The following C10orf67 variants were observed in gnomAD, a reference collection of about 807,000 sequenced individuals.
The protein encoded by C10orf67 is chromosome 10 open reading frame 67.
In C10orf67, 60 loss-of-function variants were observed where a neutral mutation model predicts 35.6. The ratio of observed to expected loss-of-function variants is 1.68; its 90% CI spans 1.37 to 2.09. The LOEUF is 2.09. C10orf67 is among the 30% of genes most tolerant of loss of function. C10orf67 has a pLI of 0.00. For missense variants in C10orf67, 474 were observed against 330.2 expected, an observed-to-expected ratio of 1.44 and a Z score of -3.38; for synonymous variants, 167 against 115.8, an observed-to-expected ratio of 1.44 and a Z score of -2.84.
intron 12 of C10orf67, among the ~76,000 whole-genome samples, chr10:23,243,969 G>A (rs543647723): frequency 6.6e-6 from 1 of 152,272 alleles, no homozygotes; most frequent in Non-Finnish European, 1.5e-5. Context: ...AGGGCTTACG[G>A]CAGCCTTGAC....
At position 23,223,518 on chromosome 10, in the gene C10orf67, G is replaced by A. The variant is rs117164271; in HGVS notation, c.1570+80C>T. 4,100 of 707,296 alleles carry A rather than the reference G, an allele frequency of 5.8e-3. 118 individuals carry two copies. Among genetic ancestry groups the A allele is most frequent in the East Asian group, 0.049 (1,835 of 37,186 alleles). 43.8% of individuals were successfully genotyped at this position (707,296 alleles called of 1,614,324 possible). On this transcript the variant is annotated intron_variant, in intron 15 of 15. Transcript: ENST00000636213. ...CACCCAGAATACCAAATACCTCAGG[G>A]TAAAAAAGAAAAGCAAAGTTAATCT...
chr10:23,294,259 A>G (rs1044188355), intron 5 of C10orf67, among the ~76,000 whole-genome samples: 2 of 152,122 alleles, frequency 1.3e-5, no homozygotes, highest in African/African-American at 4.8e-5. Context: ...TATGCTCGCA[A>G]TGGAAGGTAG....
At chr10:23,304,701 C>T (rs934289680) in intron 4 of C10orf67, among the ~76,000 whole-genome samples, 3 of 152,116 alleles carry the variant, frequency 2.0e-5, no homozygotes, top group Admixed American at 6.5e-5. Context: ...TCCATGGCCA[C>T]TTCTCCTTGC....
At chr10:23,208,759 G>C (rs1841225810) in intron 15 of C10orf67, among the ~76,000 whole-genome samples, 1 of 152,288 alleles carries the variant, frequency 6.6e-6, no homozygotes, top group Middle Eastern at 3.4e-3. Context: ...ATTGACTCTG[G>C]TCTTGGCCCT....
At chr10:23,250,345 A>G (rs1273929844) in intron 12 of C10orf67, 110 bp downstream of exon 12, 7 of 395,714 alleles carry the variant, frequency 1.8e-5, no homozygotes, top group Non-Finnish European at 3.1e-5. Flanking sequence ...TTGTAGAAGT[A>G]TATGAGGTGA....
intron 10 of C10orf67, among the ~76,000 whole-genome samples, chr10:23,264,210 G>A (rs1288788190): frequency 2.6e-5 from 4 of 152,122 alleles, no homozygotes; most frequent in African/African-American, 9.7e-5. Context: ...TATATATACG[G>A]TAAAGAATAA....
At chr10:23,211,507 G>A (rs566569836) in intron 15 of C10orf67, among the ~76,000 whole-genome samples, 12 of 149,572 alleles carry the variant, frequency 8.0e-5, no homozygotes, top group Admixed American at 6.1e-4. Context: ...AATTCAACCC[G>A]TAACACACAC....
intron 1 of C10orf67, among the ~76,000 whole-genome samples, chr10:23,339,514 CA>C: frequency 6.6e-6 from 1 of 151,800 alleles, no homozygotes; most frequent in Non-Finnish European, 1.5e-5. Flanking sequence ...TACCTTTCAG[CA>C]AGTTTCGCAG....
chr10:23,337,160 T>C (rs1470618980), intron 1 of C10orf67, among the ~76,000 whole-genome samples: 1 of 152,068 alleles, frequency 6.6e-6, no homozygotes, highest in Non-Finnish European at 1.5e-5. Context: ...AACAAATAAA[T>C]GAGGATGGGA....
At chr10:23,212,383 G>C (rs190017111) in intron 15 of C10orf67, among the ~76,000 whole-genome samples, 1 of 152,154 alleles carries the variant, frequency 6.6e-6, no homozygotes, top group Admixed American at 6.5e-5. Context: ...CAAACCACAC[G>C]TCTCTTGTTT....
chr10:23,231,369 G>A (rs1384233876), intron 13 of C10orf67, among the ~76,000 whole-genome samples: 1 of 152,168 alleles, frequency 6.6e-6, no homozygotes, highest in Non-Finnish European at 1.5e-5. Context: ...AGAAAGTCTA[G>A]AACCCATGGA....
chr10:23,320,923 T>A, intron 3 of C10orf67, 108 bp from the exon 4 acceptor site: 1 of 728,764 alleles, frequency 1.4e-6, no homozygotes, highest in Non-Finnish European at 2.2e-6. Context: ...ATCATCACAA[T>A]CTATTGAAAA....
At chr10:23,300,224 G>A (rs1270999099) in intron 5 of C10orf67, among the ~76,000 whole-genome samples, 1 of 152,150 alleles carries the variant, frequency 6.6e-6, no homozygotes, top group Non-Finnish European at 1.5e-5. Context: ...ATGGATGAGA[G>A]GGTGGCTTAC....
chr10:23,256,141 A>G (rs1320900649), intron 10 of C10orf67, among the ~76,000 whole-genome samples: 2 of 152,038 alleles, frequency 1.3e-5, no homozygotes, highest in Non-Finnish European at 2.9e-5. Flanking sequence ...AACTGGAACT[A>G]CAGCTGTGCA....
intron 1 of C10orf67, chr10:23,344,096 C>T (rs56317783): frequency 0.18 from 34,019 of 193,074 alleles, 3,703 homozygotes; most frequent in Non-Finnish European, 0.23. Context: ...CCCAGGTAAC[C>T]GGCGAAGCGC....
chr10:23,248,212 G>T (rs1842364449), intron 12 of C10orf67, among the ~76,000 whole-genome samples: 1 of 152,240 alleles, frequency 6.6e-6, no homozygotes. Context: ...ACAGAGGGTG[G>T]CTCAGGTGGA....
At chr10:23,289,462 C>T (rs1020763729) in intron 7 of C10orf67, among the ~76,000 whole-genome samples, 1 of 152,192 alleles carries the variant, frequency 6.6e-6, no homozygotes, top group Admixed American at 6.5e-5. Flanking sequence ...CTGCGCCCCA[C>T]CTTGGAAATC....
intron 7 of C10orf67, among the ~76,000 whole-genome samples, chr10:23,283,265 G>C (rs574327308): frequency 1.3e-5 from 2 of 152,290 alleles, no homozygotes; most frequent in Admixed American, 6.5e-5. Flanking sequence ...TTGTTCCCTT[G>C]TGACTTGCCT....
intron 2 of C10orf67, among the ~76,000 whole-genome samples, chr10:23,332,706 ACAAAATGT>A (rs1407656809): frequency 6.6e-6 from 1 of 152,112 alleles, no homozygotes; most frequent in African/African-American, 2.4e-5. Context: ...AGAAAATATA[ACAAAATGT>A]CAAAATTTGA....
Sources: allele counts gnomAD v4.1 joint callset (sites outside exome capture counted in the v4.1 genomes callset), GRCh38; gene constraint gnomAD v4.1.1; transcripts MANE v1.5; gene names NCBI Gene and HGNC (gene_info 2026-07-23, HGNC 2026-07-21).